CDIN1: variants seen among roughly 807,000 people sequenced by gnomAD.
CDIN1 encodes CDAN1-interacting nuclease 1.
Under a neutral mutation model 45.3 loss-of-function variants are expected in CDIN1, and 33 were observed. The ratio of observed to expected loss-of-function variants is 0.73; its 90% CI spans 0.55 to 0.97. CDIN1 has a LOEUF of 0.97. CDIN1 is among the 50% of genes least tolerant of loss of function. The pLI is 0.00. For missense variants in CDIN1, 303 were observed against 339.4 expected, an observed-to-expected ratio of 0.89 and a Z score of 0.84; for synonymous variants, 118 against 124.4, an observed-to-expected ratio of 0.95 and a Z score of 0.34.
At chr15:36,657,724 T>A in intron 4 of CDIN1, 109 bp from the exon 5 acceptor site, 1 of 785,530 alleles carries the variant, frequency 1.3e-6, no homozygotes, top group Non-Finnish European at 2.0e-6. Context: ...TGAATGATGC[T>A]TGCTATGGTT....
chr15:36,618,333 G>A, intron 1 of CDIN1: 2 of 677,426 alleles, frequency 3.0e-6, no homozygotes, highest in South Asian at 1.8e-5. Context: ...TAATCCTACA[G>A]TAACTGGGGA....
chr15:36,631,624 G>T (rs1470682822), intron 1 of CDIN1, among the ~76,000 whole-genome samples: 1 of 152,098 alleles, frequency 6.6e-6, no homozygotes, highest in African/African-American at 2.4e-5. Flanking sequence ...CATTGAATGG[G>T]TATATCACAT....
chr15:36,808,706 TTAGTTTATAGA>T lies in CDIN1; in HGVS notation c.*258_*268del. 1.9e-6 allele frequency: 1 copy of T among 525,986 alleles called. No individual in the cohort carries two copies. The highest frequency in any genetic ancestry group is 3.0e-5 in the Admixed American group (1 of 33,034). The allele number at this position is 525,986 out of a possible 1,614,324, so 32.6% of individuals were successfully genotyped here. ...CAGCATTTCTGTCTCTGTCAAACAA[TTAGTTTATAGA>T]TAGTCATAATCTTTCTTTCTTCCGG... On this transcript the variant is annotated 3_prime_UTR_variant, in exon 11 of 11. Coordinates refer to ENST00000566621, the MANE Select transcript of CDIN1 (RefSeq NM_001321759.2).
chr15:36,658,771 T>C (rs2040877612), intron 5 of CDIN1, among the ~76,000 whole-genome samples: 1 of 152,200 alleles, frequency 6.6e-6, no homozygotes, highest in Non-Finnish European at 1.5e-5. Context: ...CATTCAGTAG[T>C]ACATGTTGGA....
At chr15:36,744,407 T>C (rs778338447) in intron 10 of CDIN1, among the ~76,000 whole-genome samples, 2 of 152,186 alleles carry the variant, frequency 1.3e-5, no homozygotes, top group African/African-American at 4.8e-5. Context: ...GATTGCCCTT[T>C]CCAGTGTACC....
intron 10 of CDIN1, among the ~76,000 whole-genome samples, chr15:36,737,401 C>A (rs1373287279): frequency 6.6e-6 from 1 of 152,134 alleles, no homozygotes; most frequent in Non-Finnish European, 1.5e-5. Context: ...CTGCATGTTG[C>A]CAGAGTGTGC....
At chr15:36,769,345 G>A (rs1189272814) in intron 10 of CDIN1, among the ~76,000 whole-genome samples, 1 of 152,122 alleles carries the variant, frequency 6.6e-6, no homozygotes, top group Non-Finnish European at 1.5e-5. Flanking sequence ...ATATGTTCCT[G>A]AGTCCTAAAT....
chr15:36,781,655 G>A (rs929723454), intron 10 of CDIN1, among the ~76,000 whole-genome samples: 1 of 152,192 alleles, frequency 6.6e-6, no homozygotes, highest in Non-Finnish European at 1.5e-5. Context: ...TCCCATAAAG[G>A]TTCAGATAGA....
At chr15:36,771,702 G>C (rs1020197250) in intron 10 of CDIN1, among the ~76,000 whole-genome samples, 3 of 152,176 alleles carry the variant, frequency 2.0e-5, no homozygotes, top group Admixed American at 6.5e-5. Flanking sequence ...GGCCAAAGCA[G>C]GCAAATCACG....
At chr15:36,693,058 T>G (rs2042308438) in intron 7 of CDIN1, among the ~76,000 whole-genome samples, 1 of 152,182 alleles carries the variant, frequency 6.6e-6, no homozygotes, top group African/African-American at 2.4e-5. Flanking sequence ...TGTGATGAAT[T>G]GTGACTCAGT....
intron 8 of CDIN1, chr15:36,705,313 T>A (rs1468328234): frequency 6.6e-6 from 1 of 152,204 alleles, no homozygotes; most frequent in Non-Finnish European, 1.5e-5. Context: ...AGGTGTTGTC[T>A]AAATAGCTCA....
At chr15:36,637,960 A>G (rs576545505) in intron 1 of CDIN1, among the ~76,000 whole-genome samples, 16 of 152,122 alleles carry the variant, frequency 1.1e-4, no homozygotes, top group Non-Finnish European at 1.6e-4. Flanking sequence ...TGTGAGAGGG[A>G]AGGAGGGTAG....
intron 10 of CDIN1, among the ~76,000 whole-genome samples, chr15:36,765,550 C>A (rs1321683789): frequency 6.6e-6 from 1 of 152,078 alleles, no homozygotes; most frequent in Non-Finnish European, 1.5e-5. Flanking sequence ...AACTCTGGGG[C>A]CAATGTTTTT....
intron 10 of CDIN1, among the ~76,000 whole-genome samples, chr15:36,737,585 GGGT>G (rs1246257867): frequency 6.6e-6 from 1 of 152,080 alleles, no homozygotes; most frequent in African/African-American, 2.4e-5. Flanking sequence ...CTAATAGTCT[GGGT>G]CAATTAGTTA....
chr15:36,668,276 G>C (rs982664277), intron 5 of CDIN1: 2 of 151,874 alleles, frequency 1.3e-5, no homozygotes, highest in African/African-American at 2.4e-5. Flanking sequence ...GGGTTGAGAG[G>C]GTATCAAGAA....
chr15:36,630,530 C>G (rs962670904), intron 1 of CDIN1, among the ~76,000 whole-genome samples: 2 of 152,176 alleles, frequency 1.3e-5, no homozygotes, highest in Non-Finnish European at 2.9e-5. Flanking sequence ...ACAATATTCC[C>G]TATTGGTGCT....
intron 10 of CDIN1, among the ~76,000 whole-genome samples, chr15:36,793,785 C>G (rs1284012966): frequency 6.6e-6 from 1 of 152,092 alleles, no homozygotes; most frequent in Non-Finnish European, 1.5e-5. Context: ...TAGAAATTGC[C>G]GCTGGCCACT....
rs1242929498 is a variant in CDIN1 at position 36,734,341 on chromosome 15, T to G, written c.716+24380T>G. The G allele has an allele frequency of 7.0e-6, 3 of 429,052 alleles. No individual in the cohort carries two copies. In the Admixed American group the frequency reaches 8.4e-5, roughly 12 times the overall value. The allele number at this position is 429,052 out of a possible 1,614,324, so 26.6% of individuals were successfully genotyped here. A position where few individuals can be genotyped will look rare whatever the true frequency, so the allele number is the denominator to read the frequency against. On this transcript the variant is annotated intron_variant, in intron 10 of 10. Transcript: ENST00000566621. ...TTAGAACAATACTAATACTATGTAG[T>G]CGGGTATAAGAATTCCAGAGGTACT...
chr15:36,584,229 G>A (rs1193395605), intron 1 of CDIN1, among the ~76,000 whole-genome samples: 1 of 152,100 alleles, frequency 6.6e-6, no homozygotes, highest in Non-Finnish European at 1.5e-5. Flanking sequence ...GTATTCAAAA[G>A]CAAACAATAG....
Sources: gnomAD v4.1 joint callset for allele counts (sites outside exome capture counted in the v4.1 genomes callset) on GRCh38, gnomAD v4.1.1 for gene constraint, MANE v1.5 for transcripts, NCBI Gene and HGNC (gene_info 2026-07-23, HGNC 2026-07-21) for gene names.